CAPZB: variants seen among roughly 807,000 people sequenced by gnomAD.
CAPZB encodes capping actin protein of muscle Z-line subunit beta.
In CAPZB, 2 loss-of-function variants were observed where a neutral mutation model predicts 38.1. The observed-to-expected ratio is 0.05, with a 90% CI of 0.02 to 0.17. CAPZB has a LOEUF of 0.17. CAPZB is among the 10% of genes least tolerant of loss of function. The pLI is 1.00. For synonymous variants in CAPZB, 107 were observed against 127.4 expected (o/e 0.84, Z 1.08); for missense variants, 161 against 334.2 (o/e 0.48, Z 4.04).
At chr1:19,400,370 T>A (rs987947375) in intron 2 of CAPZB, among the ~76,000 whole-genome samples, 4 of 152,164 alleles carry the variant, frequency 2.6e-5, no homozygotes, top group African/African-American at 9.7e-5. Context: ...CGGCCCACAT[T>A]CCTGGCCTAT....
chr1:19,478,773 A>T (rs1287086092), intron 1 of CAPZB, among the ~76,000 whole-genome samples: 1 of 152,148 alleles, frequency 6.6e-6, no homozygotes, highest in Non-Finnish European at 1.5e-5. Flanking sequence ...GGAATGAATG[A>T]CCCGATGGAA....
intron 1 of CAPZB, among the ~76,000 whole-genome samples, chr1:19,429,902 C>A (rs1048186540): frequency 1.3e-5 from 2 of 152,126 alleles, no homozygotes; most frequent in African/African-American, 4.8e-5. Context: ...CCTAAAGCCA[C>A]AAGGAGAAGA....
intron 3 of CAPZB, among the ~76,000 whole-genome samples, chr1:19,379,137 C>T (rs1458215370): frequency 3.5e-5 from 5 of 142,666 alleles, no homozygotes; most frequent in African/African-American, 1.0e-4. Flanking sequence ...CTAGCTCTGT[C>T]GCCCAGGCTG....
In CAPZB at chr1:19,347,316, T is replaced by C. The variant is rs571416087; in HGVS notation, c.589-2064A>G. On this transcript the variant is annotated intron_variant, in intron 6 of 8. Coordinates refer to ENST00000264202, the MANE Select transcript of CAPZB (RefSeq NM_004930.5). ...GTGAACAAGCCCTGCACGAGAGCAC[T>C]TCTTTTCCTGTTTTGGTGGGGATGC... is the stretch of plus-strand genomic sequence containing the variant. 4.6e-5 allele frequency among the ~76,000 whole-genome samples: 7 copies of C among 152,300 alleles called. No homozygotes were observed. In the South Asian group the frequency reaches 1.4e-3, roughly 32 times the overall value.
rs2094198445 is a variant in CAPZB at position 19,385,368 on chromosome 1, G to A, written c.215+137C>T. ...GAGGACAAGAGAAGAAAGGAGAGGA[G>A]GGCAGGGAACAAACGGAAGGAAAGC... On this transcript the variant is annotated intron_variant, in intron 3 of 8. Coordinates refer to ENST00000264202, the MANE Select transcript of CAPZB (RefSeq NM_004930.5). 3 of 829,172 alleles carry A rather than the reference G, an allele frequency of 3.6e-6. No homozygotes were observed. In the South Asian group the frequency reaches 4.9e-5, roughly 13 times the overall value. The allele number at this position is 829,172 out of a possible 1,614,324, so 51.4% of individuals were successfully genotyped here. A position where few individuals can be genotyped will look rare whatever the true frequency, so the allele number is the denominator to read the frequency against.
rs57251931 is a variant in CAPZB at position 19,359,210 on chromosome 1, C to CTTTTTTT, written c.330-1654_330-1648dup. ...TGGGTATACAAGAATTCTCTGTACT[C>CTTTTTTT]TTTTTTTTTTTTTTTTTTTTTTGCA... On this transcript the variant is annotated intron_variant, in intron 4 of 8. Coordinates refer to ENST00000264202, the MANE Select transcript of CAPZB (RefSeq NM_004930.5). 4.4e-5 allele frequency among the ~76,000 whole-genome samples: 5 copies of CTTTTTTT among 114,410 alleles called. 1 individual carries two copies. The highest frequency in any genetic ancestry group is 2.5e-4 in the East Asian group (1 of 3,988). The allele number at this position is 114,410 out of a possible 152,430, so 75.1% of individuals were successfully genotyped here. A position where few individuals can be genotyped will look rare whatever the true frequency, so the allele number is the denominator to read the frequency against.
chr1:19,423,305 T>C (rs1366904653), intron 1 of CAPZB, among the ~76,000 whole-genome samples: 1 of 152,020 alleles, frequency 6.6e-6, no homozygotes, highest in Non-Finnish European at 1.5e-5. Flanking sequence ...CTGGAGCCAT[T>C]TGCTTGGGAG....
At chr1:19,360,886 A>G (rs113670331) in intron 4 of CAPZB, among the ~76,000 whole-genome samples, 15 of 152,300 alleles carry the variant, frequency 9.8e-5, no homozygotes, top group African/African-American at 3.6e-4. Flanking sequence ...TTTACCCACA[A>G]TTTTAAAACT....
At chr1:19,417,239 C>A (rs1317277461) in intron 2 of CAPZB, among the ~76,000 whole-genome samples, 5 of 152,124 alleles carry the variant, frequency 3.3e-5, no homozygotes, top group Non-Finnish European at 7.4e-5. Context: ...GCCATAAGAA[C>A]AAAATAGCCT....
At chr1:19,481,341 G>A (rs2094627730) in intron 1 of CAPZB, among the ~76,000 whole-genome samples, 1 of 152,168 alleles carries the variant, frequency 6.6e-6, no homozygotes, top group Non-Finnish European at 1.5e-5. Context: ...CACCCTCACT[G>A]GTGGATCTGC....
chr1:19,449,813 G>GAGAA (rs1326006263), intron 1 of CAPZB, among the ~76,000 whole-genome samples: 2 of 150,268 alleles, frequency 1.3e-5, no homozygotes, highest in African/African-American at 4.9e-5. Flanking sequence ...GAGAGACAGA[G>GAGAA]AGAAAGAAAG....
intron 2 of CAPZB, among the ~76,000 whole-genome samples, chr1:19,415,794 C>G (rs2094376377): frequency 6.6e-6 from 1 of 152,256 alleles, no homozygotes; most frequent in African/African-American, 2.4e-5. Flanking sequence ...CTGCCTTGGC[C>G]TCCCAAAGTG....
intron 1 of CAPZB, chr1:19,448,998 A>C: frequency 6.3e-7 from 1 of 1,577,670 alleles, no homozygotes; most frequent in South Asian, 1.1e-5. Flanking sequence ...TGACGTGACT[A>C]GGGACGCTGC....
intron 1 of CAPZB, among the ~76,000 whole-genome samples, chr1:19,461,379 T>TCC (rs2100740670): frequency 6.6e-6 from 1 of 152,162 alleles, no homozygotes; most frequent in Admixed American, 6.5e-5. Context: ...TCCTTCTCTC[T>TCC]CCCCCGACCC....
In CAPZB at chr1:19,346,736, C is replaced by CCAGG. The variant is rs530955117; in HGVS notation, c.589-1488_589-1485dup. 5.7e-3 allele frequency among the ~76,000 whole-genome samples: 861 copies of CCAGG among 151,902 alleles called. 5 individuals are homozygous for CCAGG. Among genetic ancestry groups the CCAGG allele is most frequent in the African/African-American group, 0.019 (782 of 41,460 alleles). On this transcript the variant is annotated intron_variant, in intron 6 of 8. Transcript: ENST00000264202. ...GAGAGAACCAAGCCACTTTAAACGACCAGGCTTCCAGGGTCGGGCAAAACC... is the reference window on the plus strand; with the variant it reads ...GAGAGAACCAAGCCACTTTAAACGACCAGGCAGGCTTCCAGGGTCGGGCAAAACC...
At chr1:19,477,213 C>T (rs1043780329) in intron 1 of CAPZB, among the ~76,000 whole-genome samples, 1 of 152,218 alleles carries the variant, frequency 6.6e-6, no homozygotes, top group African/African-American at 2.4e-5. Flanking sequence ...GATGCCTGTG[C>T]CATGAGTGCA....
At chr1:19,480,441 C>A (rs1184261676) in intron 1 of CAPZB, among the ~76,000 whole-genome samples, 3 of 152,202 alleles carry the variant, frequency 2.0e-5, no homozygotes, top group Non-Finnish European at 4.4e-5. Context: ...CAGATGTGCC[C>A]AACTGCAGAG....
chr1:19,474,407 C>A (rs1206537402), intron 1 of CAPZB, among the ~76,000 whole-genome samples: 1 of 152,160 alleles, frequency 6.6e-6, no homozygotes, highest in Non-Finnish European at 1.5e-5. Context: ...TAGGTTCAAG[C>A]CCGCACAGTT....
chr1:19,415,853 T>C lies in CAPZB; in HGVS notation c.93+3808A>G, dbSNP rs2094376659. Among the ~76,000 whole-genome samples, 5 of 152,382 alleles carry C rather than the reference T, an allele frequency of 3.3e-5. No individual in the cohort carries two copies. The South Asian group carries it at 1.0e-3, about 32-fold the overall frequency. On this transcript the variant is annotated intron_variant, in intron 2 of 8. Coordinates refer to ENST00000264202, the MANE Select transcript of CAPZB (RefSeq NM_004930.5). Reference sequence around the variant, plus strand: ...CGCGCCTGGCCAATGCATGTCAATATAGTTTTAATGAGGCATGCATTACCA... The same window carrying C: ...CGCGCCTGGCCAATGCATGTCAATACAGTTTTAATGAGGCATGCATTACCA...
Sources: allele counts gnomAD v4.1 joint callset (sites outside exome capture counted in the v4.1 genomes callset), GRCh38; gene constraint gnomAD v4.1.1; transcripts MANE v1.5; gene names NCBI Gene and HGNC (gene_info 2026-07-23, HGNC 2026-07-21).